The following SH3GL3 variants were observed in gnomAD, a reference collection of about 807,000 sequenced individuals.
SH3GL3 encodes the protein SH3 domain containing GRB2 like 3, endophilin A3.
In SH3GL3, 33 loss-of-function variants were observed where a neutral mutation model predicts 47.7. The ratio of observed to expected loss-of-function variants is 0.69; its 90% confidence interval spans 0.52 to 0.92. The LOEUF (loss-of-function observed/expected upper bound fraction) is 0.92. SH3GL3 is among the 40% of genes least tolerant of loss of function. The pLI is 0.00. For synonymous variants in SH3GL3, 155 were observed against 148.8 expected, an observed-to-expected ratio of 1.04 and a Z score of -0.30; for missense variants, 363 against 417.8, an observed-to-expected ratio of 0.87 and a Z score of 1.14.
chr15:83,459,504 T>A (rs577540132), intron 1 of SH3GL3, among the ~76,000 whole-genome samples: 33 of 152,296 alleles, frequency 2.2e-4, no homozygotes, highest in African/African-American at 7.9e-4. Flanking sequence ...ATTTCAGAAT[T>A]TAGCCCTGGT....
intron 1 of SH3GL3, among the ~76,000 whole-genome samples, chr15:83,513,085 G>A (rs980537126): frequency 2.0e-5 from 3 of 152,156 alleles, no homozygotes; most frequent in African/African-American, 2.4e-5. Flanking sequence ...TTTTCCTGCT[G>A]TGAATCTGTA....
the SH3GL3 span, among the ~76,000 whole-genome samples, chr15:83,631,952 T>A: frequency 9.0e-3 from 1,367 of 152,334 alleles, 8 homozygotes; most frequent in Non-Finnish European, 0.011. Flanking sequence ...GTTTCCAAAC[T>A]TTTATGCTCT....
intron 2 of SH3GL3, among the ~76,000 whole-genome samples, chr15:83,562,030 A>AACACACACACACACACACACAC (rs55856428): frequency 3.0e-5 from 4 of 132,980 alleles, no homozygotes; most frequent in African/African-American, 8.2e-5. Flanking sequence ...ACACACACAC[A>AACACACACACACACACACACAC]ACACACACAC....
chr15:83,496,078 G>A (rs1205991053), intron 1 of SH3GL3, among the ~76,000 whole-genome samples: 1 of 152,034 alleles, frequency 6.6e-6, no homozygotes, highest in Non-Finnish European at 1.5e-5. Flanking sequence ...AAACCCACTG[G>A]CCAGGTGCAG....
intron 1 of SH3GL3, among the ~76,000 whole-genome samples, chr15:83,530,958 C>T (rs1039904292): frequency 2.0e-5 from 3 of 152,170 alleles, no homozygotes; most frequent in Non-Finnish European, 4.4e-5. Context: ...AACAACCCCC[C>T]ACCCACACCT....
intron 1 of SH3GL3, among the ~76,000 whole-genome samples, chr15:83,546,256 C>G (rs1311055463): frequency 6.6e-6 from 1 of 151,560 alleles, no homozygotes; most frequent in Non-Finnish European, 1.5e-5. Flanking sequence ...AGACAAAGAC[C>G]TCTTTTTTGC....
At chr15:83,555,387 G>T (rs2044895916) in intron 1 of SH3GL3, among the ~76,000 whole-genome samples, 1 of 151,814 alleles carries the variant, frequency 6.6e-6, no homozygotes, top group Admixed American at 6.6e-5. Context: ...GATTTTGTCG[G>T]CTCTCTTTCT....
chr15:83,478,772 A>C (rs1163812601), intron 1 of SH3GL3, among the ~76,000 whole-genome samples: 1 of 152,198 alleles, frequency 6.6e-6, no homozygotes, highest in Non-Finnish European at 1.5e-5. Context: ...AGCAGCTCCA[A>C]CACGGTGGAC....
At chr15:83,591,046 A>G (rs1008786573) in intron 8 of SH3GL3, among the ~76,000 whole-genome samples, 6 of 152,070 alleles carry the variant, frequency 3.9e-5, no homozygotes, top group Non-Finnish European at 7.4e-5. Flanking sequence ...CTCACTCTGT[A>G]GCCCAGGCTG....
At chr15:83,629,952 C>T in the SH3GL3 span, among the ~76,000 whole-genome samples, 1 of 152,152 alleles carries the variant, frequency 6.6e-6, no homozygotes, top group Non-Finnish European at 1.5e-5. Context: ...ACTGTAGCTC[C>T]CATAATTTCC....
At chr15:83,541,611 C>A (rs1596217754) in intron 1 of SH3GL3, among the ~76,000 whole-genome samples, 2 of 152,056 alleles carry the variant, frequency 1.3e-5, no homozygotes, top group Non-Finnish European at 2.9e-5. Context: ...TCCCCTTTCT[C>A]CTTGCCAGCA....
At chr15:83,518,627 T>A (rs1473818643) in intron 1 of SH3GL3, among the ~76,000 whole-genome samples, 1 of 152,228 alleles carries the variant, frequency 6.6e-6, no homozygotes, top group African/African-American at 2.4e-5. Flanking sequence ...TCCTTGTAAA[T>A]TCTGGATATT....
chr15:83,489,898 A>G (rs1160429187), intron 1 of SH3GL3, among the ~76,000 whole-genome samples: 1 of 152,142 alleles, frequency 6.6e-6, no homozygotes, highest in Non-Finnish European at 1.5e-5. Flanking sequence ...TAATAGATAG[A>G]TAGATAATAG....
intron 5 of SH3GL3, among the ~76,000 whole-genome samples, chr15:83,573,817 G>A (rs1463116928): frequency 5.3e-5 from 8 of 152,228 alleles, no homozygotes; most frequent in East Asian, 1.9e-4. Context: ...TACAGTGGTG[G>A]TGGGCACTGG....
At chr15:83,624,499 T>A in the SH3GL3 span, among the ~76,000 whole-genome samples, 2 of 152,192 alleles carry the variant, frequency 1.3e-5, no homozygotes, top group African/African-American at 4.8e-5. Flanking sequence ...GGGACAAATA[T>A]TAACATCAAG....
chr15:83,594,435 A>T (rs1345309856), intron 8 of SH3GL3, among the ~76,000 whole-genome samples: 1 of 152,202 alleles, frequency 6.6e-6, no homozygotes, highest in African/African-American at 2.4e-5. Flanking sequence ...CCACTCTTCT[A>T]TATTAACATT....
At chr15:83,522,464 ACTTCT>A (rs1379132188) in intron 1 of SH3GL3, among the ~76,000 whole-genome samples, 5 of 152,092 alleles carry the variant, frequency 3.3e-5, no homozygotes, top group African/African-American at 7.2e-5. Context: ...GTACCTCTTC[ACTTCT>A]CTTCTCTGCA....
chr15:83,574,855 G>A (rs546667436), intron 5 of SH3GL3, among the ~76,000 whole-genome samples: 94 of 152,246 alleles, frequency 6.2e-4, no homozygotes, highest in Non-Finnish European at 1.2e-3. Context: ...CCCTCAGCTC[G>A]GATGTGCTTT....
chr15:83,596,211 A>C (rs1284914759), intron 8 of SH3GL3, among the ~76,000 whole-genome samples: 1 of 152,178 alleles, frequency 6.6e-6, no homozygotes, highest in Admixed American at 6.5e-5. Context: ...ATACCTATTT[A>C]ATTCCATTTT....
Sources: allele counts gnomAD v4.1 joint callset (sites outside exome capture counted in the v4.1 genomes callset), GRCh38; gene constraint gnomAD v4.1.1; transcripts MANE v1.5; gene names NCBI Gene and HGNC (gene_info 2026-07-23, HGNC 2026-07-21).